C12orf42: variants seen among roughly 807,000 people sequenced by gnomAD.
The protein encoded by C12orf42 is chromosome 12 open reading frame 42, also known as uncharacterized protein C12orf42.
Under a neutral mutation model 21.6 loss-of-function variants are expected in C12orf42, and 25 were observed. That is an observed-to-expected ratio of 1.16 (90% CI 0.84 to 1.62). The LOEUF is 1.62. Among genes scored for constraint, C12orf42 ranks in the 40% most tolerant of loss-of-function variants. C12orf42 has a pLI of 0.00. For missense variants in C12orf42, 483 were observed against 459.3 expected (o/e 1.05, Z -0.47); for synonymous variants, 174 against 175.0 (o/e 0.99, Z 0.05).
At chr12:103,378,548 T>C (rs928613948) in intron 3 of C12orf42, among the ~76,000 whole-genome samples, 3 of 152,132 alleles carry the variant, frequency 2.0e-5, no homozygotes, top group African/African-American at 7.2e-5. Flanking sequence ...CTCAGACACA[T>C]TCAGCCTGGT....
chr12:103,557,307 G>A, the C12orf42 span: 1 of 152,170 alleles, frequency 6.6e-6, no homozygotes, highest in African/African-American at 2.4e-5. Flanking sequence ...ATTAATTTAT[G>A]AGTGTTCACA....
chr12:103,404,323 AT>A (rs1434204861), intron 2 of C12orf42, among the ~76,000 whole-genome samples: 1 of 152,196 alleles, frequency 6.6e-6, no homozygotes, highest in African/African-American at 2.4e-5. Context: ...GTAAACAAAA[AT>A]GCTATTGTAA....
At chr12:103,305,108 C>T (rs1285127473) in intron 5 of C12orf42, among the ~76,000 whole-genome samples, 1 of 152,142 alleles carries the variant, frequency 6.6e-6, no homozygotes, top group African/African-American at 2.4e-5. Flanking sequence ...GAAAAAAACT[C>T]ACAAATAATC....
chr12:103,273,991 T>A (rs2035618389), intron 5 of C12orf42: 5 of 453,872 alleles, frequency 1.1e-5, no homozygotes, highest in South Asian at 7.8e-5. Context: ...CCAAGAGCAC[T>A]CCTATTGCCC....
the C12orf42 span, among the ~76,000 whole-genome samples, chr12:103,543,668 C>A: frequency 6.6e-6 from 1 of 151,946 alleles, no homozygotes; most frequent in Non-Finnish European, 1.5e-5. Context: ...AGTGCCCCTG[C>A]TTTTGTTGTG....
At chr12:103,200,351 A>G in the C12orf42 span, among the ~76,000 whole-genome samples, 23 of 152,324 alleles carry the variant, frequency 1.5e-4, no homozygotes, top group African/African-American at 5.5e-4. Context: ...GAGAGGTATT[A>G]GTCAAAAGGC....
the C12orf42 span, chr12:103,081,342 G>A: frequency 6.6e-5 from 10 of 152,274 alleles, no homozygotes; most frequent in African/African-American, 2.2e-4. Context: ...GGAGTCTCCT[G>A]AGTTACTCTT....
intron 5 of C12orf42, among the ~76,000 whole-genome samples, chr12:103,276,567 C>T (rs544030881): frequency 2.3e-4 from 35 of 152,254 alleles, no homozygotes; most frequent in Admixed American, 9.8e-4. Flanking sequence ...CATAAGAAGG[C>T]GAGGTATCAG....
At chr12:103,346,437 A>G (rs1362903704) in intron 4 of C12orf42, among the ~76,000 whole-genome samples, 2 of 152,164 alleles carry the variant, frequency 1.3e-5, no homozygotes, top group Non-Finnish European at 2.9e-5. Flanking sequence ...AAAAATGTGT[A>G]TATTTATGGT....
intron 2 of C12orf42, among the ~76,000 whole-genome samples, chr12:103,436,250 A>G (rs989201609): frequency 5.3e-5 from 8 of 151,204 alleles, no homozygotes; most frequent in Non-Finnish European, 1.2e-4. Context: ...TCCTGAAGGA[A>G]GCGCTAAACA....
At chr12:103,455,189 G>A in intron 2 of C12orf42, among the ~76,000 whole-genome samples, 1 of 152,138 alleles carries the variant, frequency 6.6e-6, no homozygotes, top group Non-Finnish European at 1.5e-5. Flanking sequence ...GCTATATAGA[G>A]AGTCAATGTA....
At chr12:103,191,543 C>CAAAAAAAAAAAAAAAAAAAAAAAAAA in the C12orf42 span, among the ~76,000 whole-genome samples, 2 of 58,104 alleles carry the variant, frequency 3.4e-5, no homozygotes, top group East Asian at 5.6e-4. Flanking sequence ...CTCCACTCTA[C>CAAAAAAAAAAAAAAAAAAAAAAAAAA]AAAAAAAAAA....
chr12:103,530,637 A>T, the C12orf42 span, among the ~76,000 whole-genome samples: 1 of 152,064 alleles, frequency 6.6e-6, no homozygotes, highest in Non-Finnish European at 1.5e-5. Flanking sequence ...GGGGGGGGAA[A>T]ACCCACACCA....
At chr12:103,526,925 A>G in the C12orf42 span, among the ~76,000 whole-genome samples, 1 of 152,216 alleles carries the variant, frequency 6.6e-6, no homozygotes, top group Non-Finnish European at 1.5e-5. Flanking sequence ...CGCAGCTACC[A>G]AACAGTAGAA....
intron 4 of C12orf42, among the ~76,000 whole-genome samples, chr12:103,352,930 C>G (rs1240331116): frequency 6.6e-6 from 1 of 152,038 alleles, no homozygotes; most frequent in East Asian, 1.9e-4. Context: ...ACCAACTGGT[C>G]GTGTCCCAAA....
chr12:103,306,997 G>A (rs1593360200), intron 4 of C12orf42, among the ~76,000 whole-genome samples: 1 of 152,320 alleles, frequency 6.6e-6, no homozygotes, highest in East Asian at 1.9e-4. Flanking sequence ...TGGGCTACCA[G>A]GAGATGGAAG....
At chr12:103,067,457 G>A in the C12orf42 span, among the ~76,000 whole-genome samples, 1 of 152,140 alleles carries the variant, frequency 6.6e-6, no homozygotes, top group South Asian at 2.1e-4. Context: ...TGCCAACTAG[G>A]TGACAATACT....
intron 10 of C12orf42, among the ~76,000 whole-genome samples, chr12:103,250,696 G>A (rs1360184730): frequency 1.3e-5 from 2 of 152,120 alleles, no homozygotes; most frequent in East Asian, 1.9e-4. Flanking sequence ...TAGCAGTCAC[G>A]TGACTTCAAC....
intron 1 of C12orf42, among the ~76,000 whole-genome samples, chr12:103,488,863 A>G (rs1054781810): frequency 2.0e-4 from 31 of 152,142 alleles, no homozygotes; most frequent in African/African-American, 7.5e-4. Context: ...ACCTTTTTTT[A>G]AGGGTTTTAG....
Sources: gnomAD v4.1 joint callset for allele counts (sites outside exome capture counted in the v4.1 genomes callset) on GRCh38, gnomAD v4.1.1 for gene constraint, MANE v1.5 for transcripts, NCBI Gene and HGNC (gene_info 2026-07-23, HGNC 2026-07-21) for gene names.